The following LRP1B variants were observed in gnomAD, a reference collection of about 807,000 sequenced individuals.
The protein encoded by LRP1B is LDL receptor related protein 1B.
A neutral mutation model predicts 556.6 loss-of-function variants in LRP1B; 217 were observed. The observed-to-expected ratio is 0.39, with a 90% CI of 0.35 to 0.44. The LOEUF (loss-of-function observed/expected upper bound fraction) is 0.44. LRP1B is among the 20% of genes least tolerant of loss of function. The pLI is 1.00. For missense variants in LRP1B, 5,053 were observed against 5,620.8 expected (o/e 0.90, Z 3.23); for synonymous variants, 2,047 against 1,865.8 (o/e 1.10, Z -2.50).
intron 7 of LRP1B, among the ~76,000 whole-genome samples, chr2:141,137,352 CACTTCCTGGACTTTAAAG>C (rs1329957875): frequency 6.6e-6 from 1 of 151,846 alleles, no homozygotes; most frequent in Non-Finnish European, 1.5e-5. Context: ...CAGAGACCGG[CACTTCCTGGACTTTAAAG>C]ACCCAAACAG....
At chr2:140,848,136 A>G (rs1382512922) in intron 29 of LRP1B, among the ~76,000 whole-genome samples, 1 of 152,168 alleles carries the variant, frequency 6.6e-6, no homozygotes, top group Non-Finnish European at 1.5e-5. Context: ...TTCTTGAGGG[A>G]AGACCACCTA....
chr2:140,556,084 T>C (rs1351257818), intron 43 of LRP1B, among the ~76,000 whole-genome samples: 1 of 152,056 alleles, frequency 6.6e-6, no homozygotes, highest in East Asian at 1.9e-4. Context: ...GTTGTATACA[T>C]GAGGGGAGGC....
chr2:141,953,800 T>C (rs1701175378), intron 1 of LRP1B, among the ~76,000 whole-genome samples: 1 of 152,128 alleles, frequency 6.6e-6, no homozygotes, highest in Non-Finnish European at 1.5e-5. Flanking sequence ...TTCATTCATG[T>C]ATTCATGCAA....
intron 7 of LRP1B, among the ~76,000 whole-genome samples, chr2:141,174,836 G>A (rs1680665865): frequency 6.6e-6 from 1 of 152,072 alleles, no homozygotes; most frequent in African/African-American, 2.4e-5. Context: ...GGGAAAGACT[G>A]GAACTTCCTA....
chr2:141,572,529 T>C (rs1385992513), intron 2 of LRP1B, among the ~76,000 whole-genome samples: 1 of 152,042 alleles, frequency 6.6e-6, no homozygotes, highest in Non-Finnish European at 1.5e-5. Context: ...TCAACTAGTA[T>C]GCAAAACAAC....
intron 62 of LRP1B, among the ~76,000 whole-genome samples, chr2:140,453,374 T>A (rs1573956640): frequency 6.6e-6 from 1 of 152,198 alleles, no homozygotes; most frequent in East Asian, 1.9e-4. Context: ...CTATTTCATG[T>A]CTTAGCTTCA....
At chr2:140,587,178 A>G (rs1293892814) in intron 43 of LRP1B, among the ~76,000 whole-genome samples, 1 of 152,180 alleles carries the variant, frequency 6.6e-6, no homozygotes, top group Non-Finnish European at 1.5e-5. Context: ...AAGAAAAAGC[A>G]GAAAGAAAGA....
At chr2:140,823,702 T>C (rs1372507021) in intron 31 of LRP1B, among the ~76,000 whole-genome samples, 1 of 151,556 alleles carries the variant, frequency 6.6e-6, no homozygotes, top group African/African-American at 2.4e-5. Flanking sequence ...ATATAGTTTA[T>C]ATATATAGTT....
chr2:141,806,716 G>A (rs1696179022), intron 2 of LRP1B, among the ~76,000 whole-genome samples: 1 of 151,980 alleles, frequency 6.6e-6, no homozygotes, highest in Non-Finnish European at 1.5e-5. Flanking sequence ...AGATTTCTAA[G>A]TATCTAAATT....
chr2:141,015,174 CA>C, intron 13 of LRP1B, among the ~76,000 whole-genome samples: 1 of 151,992 alleles, frequency 6.6e-6, no homozygotes, highest in Non-Finnish European at 1.5e-5. Flanking sequence ...CTAAGAATTT[CA>C]AAATCATTTT....
At chr2:141,865,057 C>T (rs1315600830) in intron 1 of LRP1B, among the ~76,000 whole-genome samples, 3 of 152,088 alleles carry the variant, frequency 2.0e-5, no homozygotes, top group African/African-American at 7.2e-5. Context: ...CAGAAATCTC[C>T]ATTTTACATA....
At chr2:141,809,816 T>C (rs1164060147) in intron 2 of LRP1B, among the ~76,000 whole-genome samples, 4 of 151,994 alleles carry the variant, frequency 2.6e-5, no homozygotes, top group Admixed American at 6.6e-5. Flanking sequence ...ATAAATAACA[T>C]GGGAACTAAA....
intron 63 of LRP1B, among the ~76,000 whole-genome samples, chr2:140,449,312 T>C (rs918395815): frequency 2.6e-5 from 4 of 152,106 alleles, no homozygotes; most frequent in Non-Finnish European, 4.4e-5. Flanking sequence ...GGGAAAGTAA[T>C]AACTTTCTCT....
chr2:140,645,712 G>A (rs1321868647), intron 41 of LRP1B, among the ~76,000 whole-genome samples: 1 of 151,228 alleles, frequency 6.6e-6, no homozygotes, highest in Non-Finnish European at 1.5e-5. Flanking sequence ...CTAATTTTTT[G>A]TATTTTTAGT....
intron 2 of LRP1B, among the ~76,000 whole-genome samples, chr2:141,614,266 T>C (rs781036530): frequency 1.2e-4 from 19 of 152,048 alleles, no homozygotes; most frequent in Non-Finnish European, 2.5e-4. Flanking sequence ...AGAACACACT[T>C]TGAAAAATTC....
intron 1 of LRP1B, among the ~76,000 whole-genome samples, chr2:141,886,186 A>C (rs556998238): frequency 3.9e-5 from 6 of 152,330 alleles, no homozygotes; most frequent in African/African-American, 1.4e-4. Context: ...ATGTTCCTAC[A>C]TTCATGCCTG....
chr2:141,201,551 T>C (rs1397680956), intron 6 of LRP1B, among the ~76,000 whole-genome samples: 2 of 152,146 alleles, frequency 1.3e-5, no homozygotes, highest in Non-Finnish European at 2.9e-5. Context: ...TTAGATTACG[T>C]TTTGATTTGT....
At chr2:141,963,432 G>C (rs1701463824) in intron 1 of LRP1B, among the ~76,000 whole-genome samples, 1 of 151,794 alleles carries the variant, frequency 6.6e-6, no homozygotes, top group Non-Finnish European at 1.5e-5. Flanking sequence ...TGCAAGGCTG[G>C]TTCAATATAT....
At chr2:140,339,358 T>G (rs1558813362) in intron 77 of LRP1B, among the ~76,000 whole-genome samples, 1 of 151,908 alleles carries the variant, frequency 6.6e-6, no homozygotes, top group East Asian at 1.9e-4. Context: ...ATGAAAATAC[T>G]GCTGTCTGTT....
Sources: allele counts gnomAD v4.1 joint callset (sites outside exome capture counted in the v4.1 genomes callset), GRCh38; gene constraint gnomAD v4.1.1; transcripts MANE v1.5; gene names NCBI Gene and HGNC (gene_info 2026-07-23, HGNC 2026-07-21).